The following TP53TG5 variants were observed in gnomAD, a reference collection of about 807,000 sequenced individuals.
TP53TG5 encodes the protein TP53 target 5, also known as TP53-target gene 5 protein.
Under a neutral mutation model 30.0 loss-of-function variants are expected in TP53TG5, and 17 were observed. The ratio of observed to expected loss-of-function variants is 0.57; its 90% CI spans 0.39 to 0.85. The LOEUF is 0.85. Ranked by LOEUF, TP53TG5 falls within the 40% of genes least tolerant of loss-of-function variation. The probability of loss-of-function intolerance (pLI) is 0.00; values close to 1 mark genes in which losing one functional copy is unlikely to be tolerated. For missense variants in TP53TG5, 338 were observed against 367.9 expected (o/e 0.92, Z 0.67); for synonymous variants, 137 against 139.2 (o/e 0.98, Z 0.11).
In TP53TG5 at chr20:45,373,856, GACAA is replaced by G; in HGVS notation, c.*47_*50del. On this transcript the variant is annotated 3_prime_UTR_variant, in exon 5 of 5. Coordinates refer to ENST00000372726, the MANE Select transcript of TP53TG5 (RefSeq NM_014477.3). Reference sequence around the variant, plus strand: ...CTTTCCTTCATCCTTCCCAGCCCCAGACAAACAGGCAGAGTAAGCAGTATTCGTC... The same window carrying G: ...CTTTCCTTCATCCTTCCCAGCCCCAGACAGGCAGAGTAAGCAGTATTCGTC... The G allele has an allele frequency of 6.4e-7, 1 of 1,562,024 alleles. No individual in the cohort carries two copies. Among genetic ancestry groups the G allele is most frequent in the Non-Finnish European group, 8.8e-7 (1 of 1,133,122 alleles).
At position 45,378,077 on chromosome 20, in the gene TP53TG5, C is replaced by T. The variant is rs575340914; in HGVS notation, c.48+112G>A. ...TTAACTCTCCTGACCTCCCTTCACC[C>T]TTCACCTTTTCCTTTTCTCCCATGC... On this transcript the variant is annotated intron_variant, in intron 1 of 4. Coordinates refer to ENST00000372726, the MANE Select transcript of TP53TG5 (RefSeq NM_014477.3). 372 of 1,468,308 alleles carry T rather than the reference C, an allele frequency of 2.5e-4. 3 individuals carry two copies. In the South Asian group the frequency reaches 4.3e-3, roughly 17 times the overall value. The allele number at this position is 1,468,308 out of a possible 1,614,324, so 91.0% of individuals were successfully genotyped here.
At position 45,375,059 on chromosome 20, in the gene TP53TG5, GCATTT is replaced by G. The variant is rs1988683025; in HGVS notation, c.743_747del (p.Glu248AlafsTer9). The G allele has an allele frequency of 1.9e-6, 3 of 1,613,868 alleles. No individual in the cohort carries two copies. The highest frequency in any genetic ancestry group is 1.6e-4 in the Middle Eastern group (1 of 6,062). On this transcript the variant is annotated frameshift_variant, in exon 4 of 5. Coordinates refer to ENST00000372726, the MANE Select transcript of TP53TG5 (RefSeq NM_014477.3). LOFTEE classifies it low-confidence loss of function (END_TRUNC). ...CCCACCTTGTATGGATGCCACATAG[GCATTT>G]CAAGTGATGCGGAGCAGAAGCGGGT... is the stretch of plus-strand genomic sequence containing the variant.
rs952857402 is a variant in TP53TG5, at chr20:45,375,492, G to A, written c.315C>T (p.Cys105=). 1.2e-6 allele frequency: 2 copies of A among 1,610,542 alleles called. No individual in the cohort carries two copies. Among genetic ancestry groups the A allele is most frequent in the South Asian group, 1.1e-5 (1 of 90,890 alleles). ...TCTTGGACTTGAGTTCCTTCTCGGA[G>A]CACCCGATCTCCTGGAACTCTTCAT... ...QNNEEFQEIG[C]SEKELKSKKL... Residue 105 remains cysteine (C), a synonymous_variant, in exon 4 of 5, where the codon TGC becomes TGT. Coordinates refer to ENST00000372726, the MANE Select transcript of TP53TG5 (RefSeq NM_014477.3).
At chr20:45,374,955 T>C (rs1019252239) in intron 4 of TP53TG5, 84 bp downstream of exon 4, 5 of 1,533,206 alleles carry the variant, frequency 3.3e-6, no homozygotes, top group Non-Finnish European at 4.4e-6. Flanking sequence ...CTCCAGATCC[T>C]GAACCCTGAC....
Position 45,377,526 on chromosome 20 carries a change from CAG to C in TP53TG5, c.123+11_123+12del. On this transcript the variant is annotated intron_variant, in intron 2 of 4. Coordinates refer to ENST00000372726, the MANE Select transcript of TP53TG5 (RefSeq NM_014477.3). ...GAGCTTCCCCAAGCTGGGGCCAAAA[CAG>C]GGCGTCTCACCGTTCTCAGACGGTT... is the stretch of plus-strand genomic sequence containing the variant. 6.2e-7 allele frequency: 1 copy of C among 1,613,790 alleles called. No individual in the cohort carries two copies. Among genetic ancestry groups the C allele is most frequent in the South Asian group, 1.1e-5 (1 of 91,018 alleles).
At position 45,373,960 on chromosome 20, in the gene TP53TG5, G is replaced by A. The variant is rs893139594; in HGVS notation, c.820C>T (p.Arg274Cys). 1 of 1,613,914 alleles carries A rather than the reference G, an allele frequency of 6.2e-7. No individual in the cohort carries two copies. Among genetic ancestry groups the A allele is most frequent in the African/African-American group, 1.3e-5 (1 of 74,884 alleles). Residue 274 changes from arginine to cysteine, a missense_variant, in exon 5 of 5, where the codon CGC (arginine) becomes TGC (cysteine). Physicochemically the swap from Arg to Cys is radical, Grantham distance 180. Coordinates refer to ENST00000372726, the MANE Select transcript of TP53TG5 (RefSeq NM_014477.3). ...CCATTCCTCCCCTTCAGCTGATGGC[G>A]CGATCTCCACCCTCTGCTCGCACCT... ...ARGASRGWRS[R>C]HQLKGRNGWR...
At position 45,377,356 on chromosome 20, in the gene TP53TG5, G is replaced by C. The variant is rs757398140; in HGVS notation, c.124-14C>G. The C allele has an allele frequency of 2.0e-5, 32 of 1,613,922 alleles. No homozygotes were observed. The highest frequency in any genetic ancestry group is 2.7e-5 in the Non-Finnish European group (32 of 1,180,008). On this transcript the variant is annotated splice_polypyrimidine_tract_variant and intron_variant, in intron 2 of 4. Transcript: ENST00000372726. Reference sequence around the variant, plus strand: ...GTTTTTTAACACCTGCCAGGGTCAAGAAACCAGGTAAATAGAAGCTTCAGC... The same window carrying C: ...GTTTTTTAACACCTGCCAGGGTCAACAAACCAGGTAAATAGAAGCTTCAGC...
chr20:45,374,060 C>A (rs747447182), intron 4 of TP53TG5, 49 bp from the exon 5 acceptor site: 1 of 1,587,490 alleles, frequency 6.3e-7, no homozygotes, highest in Non-Finnish European at 8.6e-7. Context: ...CCCCAGGGGG[C>A]GCTGGTCGTT....
chr20:45,374,337 G>A (rs1451489893), intron 4 of TP53TG5: 2 of 679,590 alleles, frequency 2.9e-6, no homozygotes, highest in South Asian at 3.2e-5. Flanking sequence ...CAGTGGCGAA[G>A]TCACAGCTCA....
chr20:45,374,715 G>T, intron 4 of TP53TG5: 2 of 445,082 alleles, frequency 4.5e-6, no homozygotes, highest in East Asian at 7.4e-5. Context: ...ACCCACTTAT[G>T]TAGGCCTCTG....
At position 45,375,236 on chromosome 20, in the gene TP53TG5, G is replaced by A. The variant is rs142380755; in HGVS notation, c.571C>T (p.Arg191Cys). 5.3e-5 allele frequency: 86 copies of A among 1,614,166 alleles called. 1 individual carries two copies. Among genetic ancestry groups the A allele is most frequent in the South Asian group, 9.9e-5 (9 of 91,088 alleles). The change falls in exon 4 of 5, where the codon CGC becomes TGC. Residue 191 changes from arginine (R) to cysteine (C), a missense_variant. Physicochemically the swap from Arg to Cys is radical, Grantham distance 180. Transcript: ENST00000372726. ...GPRVIFIKPY[R>C]NRTPMGHMKQ... is the part of the protein sequence containing the mutation. Reference sequence around the variant, plus strand: ...ATGTGCCCCATGGGAGTTCTATTGCGGTAGGGCTTAATGAAGATGACTCGG... The same window carrying A: ...ATGTGCCCCATGGGAGTTCTATTGCAGTAGGGCTTAATGAAGATGACTCGG...
chr20:45,375,019 A>C lies in TP53TG5; in HGVS notation c.768+20T>G. The C allele has an allele frequency of 6.2e-7, 1 of 1,603,400 alleles. No homozygotes were observed. Among genetic ancestry groups the C allele is most frequent in the Non-Finnish European group, 8.5e-7 (1 of 1,172,546 alleles). ...GGGCTTGCATCTCACCTAGCCTGGC[A>C]GTGTTGTTGTCACACCCACCTTGTA... On this transcript the variant is annotated intron_variant, in intron 4 of 4. Transcript: ENST00000372726.
chr20:45,374,657 A>G, intron 4 of TP53TG5: 1 of 431,120 alleles, frequency 2.3e-6, no homozygotes, highest in Non-Finnish European at 4.1e-6. Context: ...GGGATGCAGC[A>G]AAGCCCTACT....
chr20:45,374,901 G>T, intron 4 of TP53TG5, 138 bp downstream of exon 4: 1 of 1,218,426 alleles, frequency 8.2e-7, no homozygotes. Flanking sequence ...CTCTGGACAT[G>T]AAGGCGGAGC....
Position 45,375,271 on chromosome 20 carries a change from G to A in TP53TG5, c.536C>T (p.Thr179Ile). 1 of 1,614,174 alleles carries A rather than the reference G, an allele frequency of 6.2e-7. No homozygotes were observed. The highest frequency in any genetic ancestry group is 2.2e-5 in the East Asian group (1 of 44,870). ...NPGVQGRQPL[T>I]EGPRVIFIKP... Reference sequence around the variant, plus strand: ...AATGAAGATGACTCGGGGGCCCTCGGTGAGTGGTTGCCTCCCCTGGACTCC... The same window carrying A: ...AATGAAGATGACTCGGGGGCCCTCGATGAGTGGTTGCCTCCCCTGGACTCC... Residue 179 changes from threonine (T) to isoleucine (I), a missense_variant, in exon 4 of 5, where the codon ACC (threonine) becomes ATC (isoleucine). Thr to Ile is a moderately conservative substitution (Grantham distance 89, BLOSUM62 -1). Transcript: ENST00000372726.
intron 4 of TP53TG5, 87 bp from the exon 5 acceptor site, chr20:45,374,098 C>T: frequency 1.6e-6 from 2 of 1,251,230 alleles, no homozygotes; most frequent in Non-Finnish European, 2.3e-6. Context: ...GACAAGGGTG[C>T]TGTGGTGTCT....
At chr20:45,377,681 T>C (rs1988774856) in intron 1 of TP53TG5, 68 bp from the exon 2 acceptor site, 1 of 1,508,774 alleles carries the variant, frequency 6.6e-7, no homozygotes, top group Admixed American at 1.8e-5. Context: ...CTCATGTCTG[T>C]AATCCCAGCA....
chr20:45,373,711 C>T lies in TP53TG5; in HGVS notation c.*196G>A, dbSNP rs1265754000. 1 of 547,232 alleles carries T rather than the reference C, an allele frequency of 1.8e-6. No homozygotes were observed. Among genetic ancestry groups the T allele is most frequent in the East Asian group, 3.0e-5 (1 of 33,720 alleles). The allele number at this position is 547,232 out of a possible 1,614,324, so 33.9% of individuals were successfully genotyped here. On this transcript the variant is annotated 3_prime_UTR_variant, in exon 5 of 5. Transcript: ENST00000372726. The stretch of plus-strand genomic sequence containing the variant: ...GCGCGCCACTCAGGAGACTAGCTCG[C>T]GGAGGTGGGGGAGGGGTGCTGCTCG...
At chr20:45,374,810 C>G in intron 4 of TP53TG5, 1 of 576,736 alleles carries the variant, frequency 1.7e-6, no homozygotes, top group Non-Finnish European at 3.0e-6. Flanking sequence ...CCCCTCCTTC[C>G]ACACATCTCC....
Sources: gnomAD v4.1 joint callset for allele counts on GRCh38, gnomAD v4.1.1 for gene constraint, MANE v1.5 for transcripts, NCBI Gene and HGNC (gene_info 2026-07-23, HGNC 2026-07-21) for gene names.